The following FBLN5 variants were observed in gnomAD, a reference collection of about 807,000 sequenced individuals.
FBLN5 encodes the protein fibulin 5.
Under a neutral mutation model 61.6 loss-of-function variants are expected in FBLN5, and 24 were observed. The ratio of observed to expected loss-of-function variants is 0.39; its 90% CI spans 0.28 to 0.55. The LOEUF (loss-of-function observed/expected upper bound fraction) is 0.55, where lower values mean the gene tolerates loss of function less well. Ranked by LOEUF, FBLN5 falls within the 20% of genes least tolerant of loss-of-function variation. FBLN5 has a pLI of 0.65. For missense variants in FBLN5, 470 were observed against 594.1 expected (o/e 0.79, Z 2.17); for synonymous variants, 213 against 219.8 (o/e 0.97, Z 0.27).
At chr14:91,886,022 C>T (rs1440604977) in intron 7 of FBLN5, among the ~76,000 whole-genome samples, 1 of 152,204 alleles carries the variant, frequency 6.6e-6, no homozygotes, top group East Asian at 1.9e-4. Context: ...AGGTGTTCAT[C>T]TGTTTCATGG....
At chr14:91,926,050 T>G (rs1055879198) in intron 4 of FBLN5, among the ~76,000 whole-genome samples, 20 of 152,150 alleles carry the variant, frequency 1.3e-4, no homozygotes, top group African/African-American at 4.3e-4. Context: ...CATTCATTCA[T>G]TCAAAAATCA....
intron 5 of FBLN5, among the ~76,000 whole-genome samples, chr14:91,892,281 T>A (rs1890028584): frequency 6.6e-6 from 1 of 152,182 alleles, no homozygotes; most frequent in South Asian, 2.1e-4. Flanking sequence ...TACAGGCTCC[T>A]GCTGTGACCA....
chr14:91,893,911 T>C (rs1166266613), intron 5 of FBLN5, among the ~76,000 whole-genome samples: 1 of 152,240 alleles, frequency 6.6e-6, no homozygotes, highest in Non-Finnish European at 1.5e-5. Flanking sequence ...CAGGATCTAC[T>C]GATCCACATT....
intron 4 of FBLN5, among the ~76,000 whole-genome samples, chr14:91,929,437 C>T (rs2055887966): frequency 1.3e-5 from 2 of 152,122 alleles, no homozygotes; most frequent in Admixed American, 1.3e-4. Flanking sequence ...GATTACGACC[C>T]TTAGTATAAT....
intron 4 of FBLN5, among the ~76,000 whole-genome samples, chr14:91,921,363 C>T (rs1490443724): frequency 2.0e-5 from 3 of 152,182 alleles, no homozygotes; most frequent in Non-Finnish European, 2.9e-5. Flanking sequence ...CTAACAGGTA[C>T]TTAGCAAGCA....
At chr14:91,923,053 T>C (rs905296596) in intron 4 of FBLN5, among the ~76,000 whole-genome samples, 2 of 152,194 alleles carry the variant, frequency 1.3e-5, no homozygotes, top group African/African-American at 4.8e-5. Context: ...GAAAGCTGCC[T>C]GTCTCCAGAA....
At chr14:91,883,657 C>CAA (rs58378742) in intron 7 of FBLN5, among the ~76,000 whole-genome samples, 6 of 129,334 alleles carry the variant, frequency 4.6e-5, no homozygotes, top group Admixed American at 1.8e-4. Context: ...AAAAAAAAAA[C>CAA]AAAAAAAACA....
chr14:91,911,607 C>T (rs921484742), intron 4 of FBLN5, among the ~76,000 whole-genome samples: 1 of 152,164 alleles, frequency 6.6e-6, no homozygotes, highest in African/African-American at 2.4e-5. Context: ...CCACTAGCTC[C>T]GCAGTGGCCT....
chr14:91,941,145 T>C (rs1479996173), intron 2 of FBLN5, among the ~76,000 whole-genome samples: 1 of 152,202 alleles, frequency 6.6e-6, no homozygotes, highest in Non-Finnish European at 1.5e-5. Flanking sequence ...CTTTAGGTGC[T>C]ACCTCGCCTT....
At chr14:91,901,673 C>T (rs1262101196) in intron 4 of FBLN5, among the ~76,000 whole-genome samples, 2 of 152,146 alleles carry the variant, frequency 1.3e-5, no homozygotes, top group Admixed American at 6.5e-5. Flanking sequence ...AAGATCTCAG[C>T]GTTGGAGAAC....
intron 4 of FBLN5, among the ~76,000 whole-genome samples, chr14:91,926,186 C>G (rs2055825385): frequency 6.6e-6 from 1 of 152,210 alleles, no homozygotes; most frequent in Non-Finnish European, 1.5e-5. Flanking sequence ...CAGCCATGCC[C>G]TCCATTATGA....
At chr14:91,898,646 C>T (rs1251238136) in intron 4 of FBLN5, among the ~76,000 whole-genome samples, 1 of 152,110 alleles carries the variant, frequency 6.6e-6, no homozygotes, top group East Asian at 1.9e-4. Flanking sequence ...CAAGCTATGA[C>T]AACCTGAGCA....
intron 4 of FBLN5, among the ~76,000 whole-genome samples, chr14:91,924,751 A>G (rs2055798193): frequency 6.6e-6 from 1 of 152,194 alleles, no homozygotes; most frequent in African/African-American, 2.4e-5. Flanking sequence ...TGTATTTATC[A>G]CAGCTATGGA....
chr14:91,909,356 C>G (rs990578449), intron 4 of FBLN5, among the ~76,000 whole-genome samples: 4 of 152,190 alleles, frequency 2.6e-5, no homozygotes, highest in East Asian at 3.8e-4. Flanking sequence ...ACTCCAAGCA[C>G]AGTGCCTAAT....
chr14:91,877,205 G>T, intron 10 of FBLN5, among the ~76,000 whole-genome samples: 1 of 152,134 alleles, frequency 6.6e-6, no homozygotes, highest in East Asian at 1.9e-4. Flanking sequence ...AGACGTGAAT[G>T]CCTCTCCAAC....
intron 2 of FBLN5, 129 bp downstream of exon 2, chr14:91,942,777 GA>G: frequency 1.5e-6 from 1 of 682,040 alleles, no homozygotes; most frequent in South Asian, 1.6e-5. Context: ...TGAGAATGAA[GA>G]GCTCAGATGA....
intron 4 of FBLN5, among the ~76,000 whole-genome samples, chr14:91,924,796 T>A (rs927043086): frequency 1.3e-5 from 2 of 152,168 alleles, no homozygotes; most frequent in Non-Finnish European, 2.9e-5. Context: ...GGTGCTGTGG[T>A]CACCCCTGAG....
At chr14:91,917,181 A>G (rs1891229587) in intron 4 of FBLN5, among the ~76,000 whole-genome samples, 1 of 152,228 alleles carries the variant, frequency 6.6e-6, no homozygotes, top group South Asian at 2.1e-4. Context: ...TTTTAGAGAT[A>G]GTCATTGGAG....
chr14:91,896,233 G>C (rs1458463699), intron 4 of FBLN5, among the ~76,000 whole-genome samples: 1 of 152,140 alleles, frequency 6.6e-6, no homozygotes, highest in East Asian at 1.9e-4. Context: ...CTCTCACTTT[G>C]ACCTAAAGGA....
Sources: allele counts gnomAD v4.1 joint callset (sites outside exome capture counted in the v4.1 genomes callset), GRCh38; gene constraint gnomAD v4.1.1; transcripts MANE v1.5; gene names NCBI Gene and HGNC (gene_info 2026-07-23, HGNC 2026-07-21).